Variants in ARSF observed in about 807,000 individuals in gnomAD.
ARSF encodes the protein arylsulfatase F.
Under a neutral mutation model 35.4 loss-of-function variants are expected in ARSF, and 33 were observed. The ratio of observed to expected loss-of-function variants is 0.93; its 90% CI spans 0.71 to 1.25. ARSF has a LOEUF of 1.25. Ranked by LOEUF, ARSF falls within the 50% of genes most tolerant of loss-of-function variation. The pLI is 0.00. For missense variants in ARSF, 501 were observed against 480.2 expected (o/e 1.04, Z -0.40); for synonymous variants, 222 against 193.1 (o/e 1.15, Z -1.24).
At chrX:3,068,846 T>C (rs2090084120) in intron 2 of ARSF, among the ~76,000 whole-genome samples, 1 of 112,215 alleles carries the variant, frequency 8.9e-6, no homozygotes, top group East Asian at 2.8e-4. Context: ...AGCATGTAGC[T>C]TTTGCCTGCA....
chrX:3,075,863 C>T (rs758729416), intron 3 of ARSF, among the ~76,000 whole-genome samples: 149 of 96,487 alleles, frequency 1.5e-3, no homozygotes, highest in African/African-American at 5.4e-3. Context: ...CTCTGTCTCT[C>T]TCTTCCTCTC....
At chrX:3,075,917 CTCTT>C (rs767898331) in intron 3 of ARSF, among the ~76,000 whole-genome samples, 2 of 107,307 alleles carry the variant, frequency 1.9e-5, no homozygotes, top group African/African-American at 3.4e-5. Flanking sequence ...CTCTCTGTGT[CTCTT>C]TCTCTCTTTT....
chrX:3,057,728 C>A (rs967834853), intron 1 of ARSF, among the ~76,000 whole-genome samples: 1 of 111,972 alleles, frequency 8.9e-6, no homozygotes. Context: ...ATAAAATAGA[C>A]ATGCTATCAA....
In ARSF at chrX:3,076,057, G is replaced by C. The variant is rs796115660; in HGVS notation, c.162-491G>C. Reference sequence around the variant, plus strand: ...TTTATCTCTCTTTCCATTTCTTTCTGTCTCTCTCTTAATCTCTGCATGTCT... The same window carrying C: ...TTTATCTCTCTTTCCATTTCTTTCTCTCTCTCTCTTAATCTCTGCATGTCT... On this transcript the variant is annotated intron_variant, in intron 3 of 10. Transcript: ENST00000381127. Among the ~76,000 whole-genome samples the C allele has an allele frequency of 3.9e-5, 4 of 102,243 alleles. No homozygotes were observed. The South Asian group carries it at 1.8e-3, about 47-fold the overall frequency. The allele number at this position is 102,243 out of a possible 115,157, so 88.8% of individuals were successfully genotyped here. A position where few individuals can be genotyped will look rare whatever the true frequency, so the allele number is the denominator to read the frequency against.
At chrX:3,071,918 G>A in intron 2 of ARSF, 108 bp from the exon 3 acceptor site, 2 of 801,429 alleles carry the variant, frequency 2.5e-6, no homozygotes, top group Non-Finnish European at 3.7e-6. Context: ...GGAGATGCCT[G>A]GGAGATCCAC....
At chrX:3,080,684 G>A (rs1409516060) in intron 4 of ARSF, among the ~76,000 whole-genome samples, 3 of 110,330 alleles carry the variant, frequency 2.7e-5, no homozygotes, top group Non-Finnish European at 5.7e-5. Context: ...TGGTGGAAGG[G>A]GTGAGGGAGC....
rs772016138 is a variant in ARSF at position 3,084,476 on chromosome X, G to C, written c.640G>C (p.Val214Leu). 8.3e-7 allele frequency: 1 copy of C among 1,209,228 alleles called. No homozygotes were observed. The highest frequency in any genetic ancestry group is 1.1e-6 in the Non-Finnish European group (1 of 895,170). ...TGGGAAGCTGAGCGGCTGGGTCTCT[G>C]TTCCCTGGCTCCTGATCTTCTCCAT... Reference protein sequence around the residue: ...TFGKLSGWVSVPWLLIFSMIL... With the variant: ...TFGKLSGWVSLPWLLIFSMIL... The change falls in exon 6 of 11, where the codon GTT becomes CTT. Residue 214 changes from valine (V) to leucine (L), a missense_variant. By Grantham distance (32) the Val-to-Leu change is conservative. Transcript: ENST00000381127.
chrX:3,056,496 G>A (rs1320934131), intron 1 of ARSF, among the ~76,000 whole-genome samples: 1 of 110,346 alleles, frequency 9.1e-6, no homozygotes, highest in Non-Finnish European at 1.9e-5. Context: ...GGCTGGTCTC[G>A]AACTCCTGGG....
At chrX:3,065,435 A>AAAATAAATAAAT (rs769293147) in intron 1 of ARSF, among the ~76,000 whole-genome samples, 2 of 107,946 alleles carry the variant, frequency 1.9e-5, no homozygotes, top group East Asian at 2.9e-4. Flanking sequence ...AAGTATAATA[A>AAAATAAATAAAT]AAATAAATAA....
Position 3,072,061 on chromosome X carries a change from T to C in ARSF, c.47T>C (p.Leu16Pro), listed in dbSNP as rs1422840879. The change falls in exon 3 of 11, where the codon CTC becomes CCC. Residue 16 changes from leucine to proline, a missense_variant. Leu to Pro is a moderately conservative substitution (Grantham distance 98). Transcript: ENST00000381127. ...PLVFMSLVCA[L>P]LNTCQAHRVH... is the part of the protein sequence containing the mutation. ...GTCTTCATGTCTTTGGTGTGTGCAC[T>C]CTTGAACACATGCCAGGCACACAGG... 8.3e-7 allele frequency: 1 copy of C among 1,202,900 alleles called. No homozygotes were observed. The highest frequency in any genetic ancestry group is 2.2e-5 in the Admixed American group (1 of 45,032).
chrX:3,079,225 T>C (rs1009151878), intron 4 of ARSF, among the ~76,000 whole-genome samples: 4 of 111,910 alleles, frequency 3.6e-5, no homozygotes, highest in African/African-American at 9.7e-5. Context: ...AATACAACTA[T>C]GAACATACAT....
At chrX:3,086,264 G>A (rs759853025) in intron 6 of ARSF, among the ~76,000 whole-genome samples, 4 of 112,017 alleles carry the variant, frequency 3.6e-5, no homozygotes, top group Middle Eastern at 4.6e-3. Context: ...TTCCCACACA[G>A]TTCTCCTTAG....
chrX:3,076,279 ATC>A (rs761320360), intron 3 of ARSF, among the ~76,000 whole-genome samples: 6 of 93,059 alleles, frequency 6.4e-5, no homozygotes, highest in African/African-American at 8.1e-5. Flanking sequence ...GTCTCTTTTC[ATC>A]TCTCTCTTTC....
At chrX:3,084,930 T>C (rs1162507485) in intron 6 of ARSF, among the ~76,000 whole-genome samples, 1 of 111,946 alleles carries the variant, frequency 8.9e-6, no homozygotes, top group Non-Finnish European at 1.9e-5. Flanking sequence ...TTGTAACGTG[T>C]ACTCTTAAAC....
At chrX:3,091,041 G>C (rs2090285602) in intron 7 of ARSF, among the ~76,000 whole-genome samples, 1 of 41,422 alleles carries the variant, frequency 2.4e-5, no homozygotes, top group Non-Finnish European at 3.6e-5. Flanking sequence ...CTCCTGAGTA[G>C]CTGGGGCTAT....
At chrX:3,043,134 G>A (rs992290536) in intron 1 of ARSF, among the ~76,000 whole-genome samples, 1 of 111,298 alleles carries the variant, frequency 9.0e-6, no homozygotes, top group African/African-American at 3.3e-5. Context: ...CAGGCTGGGT[G>A]ACAGAGCGAG....
intron 1 of ARSF, among the ~76,000 whole-genome samples, chrX:3,057,424 C>T (rs1367145186): frequency 1.8e-5 from 2 of 111,159 alleles, no homozygotes; most frequent in Non-Finnish European, 3.8e-5. Context: ...GTTTATGGAG[C>T]CCTCTTCATC....
chrX:3,100,474 GA>G (rs1236047549), intron 7 of ARSF, among the ~76,000 whole-genome samples: 5 of 112,751 alleles, frequency 4.4e-5, no homozygotes, highest in Admixed American at 9.4e-5. Flanking sequence ...AATTATCAAG[GA>G]GAATTTGTCC....
intron 1 of ARSF, chrX:3,058,186 T>C (rs1453680406): frequency 8.9e-6 from 1 of 112,885 alleles, no homozygotes; most frequent in Admixed American, 9.4e-5. Context: ...TAAGTGTGGC[T>C]ATGTTACTGT....
Sources: allele counts gnomAD v4.1 joint callset (sites outside exome capture counted in the v4.1 genomes callset), GRCh38; gene constraint gnomAD v4.1.1; transcripts MANE v1.5; gene names NCBI Gene and HGNC (gene_info 2026-07-23, HGNC 2026-07-21).